Variants in PLEKHH2 observed in about 807,000 individuals in gnomAD.
PLEKHH2 encodes the protein pleckstrin homology domain-containing family H member 2.
In PLEKHH2, 129 loss-of-function variants were observed where a neutral mutation model predicts 187.9. The observed-to-expected ratio is 0.69, with a 90% CI of 0.59 to 0.79. The LOEUF (loss-of-function observed/expected upper bound fraction) is 0.79, where lower values mean the gene tolerates loss of function less well. PLEKHH2 is among the 30% of genes least tolerant of loss of function. PLEKHH2 has a pLI of 0.00. For missense variants in PLEKHH2, 2,076 were observed against 1,751.2 expected (o/e 1.19, Z -3.31); for synonymous variants, 686 against 605.6 (o/e 1.13, Z -1.95).
At chr2:43,656,164 C>A (rs1281251907) in intron 2 of PLEKHH2, among the ~76,000 whole-genome samples, 2 of 152,036 alleles carry the variant, frequency 1.3e-5, no homozygotes, top group African/African-American at 4.8e-5. Flanking sequence ...GCCATGTTGG[C>A]CAGGTTGGTC....
In PLEKHH2 at chr2:43,712,331, C is replaced by T. The variant is rs1226627549; in HGVS notation, c.2408C>T (p.Pro803Leu). 6.2e-7 allele frequency: 1 copy of T among 1,614,174 alleles called. No individual in the cohort carries two copies. Among genetic ancestry groups the T allele is most frequent in the Admixed American group, 1.7e-5 (1 of 60,022 alleles). The part of the protein sequence containing the change: ...QNVLRVQAAN[P>L]LSLQPEGKPT... ...GTTCTTCGAGTACAAGCTGCCAACC[C>T]ACTTTCCCTGCAGCCTGAGGGCAAA... Residue 803 changes from proline (P) to leucine (L), a missense_variant, in exon 15 of 30, where the codon CCA becomes CTA. Physicochemically the swap from Pro to Leu is moderately conservative, Grantham distance 98. Coordinates refer to ENST00000282406, the MANE Select transcript of PLEKHH2 (RefSeq NM_172069.4).
In PLEKHH2 at chr2:43,704,157, C is replaced by G. The variant is rs564212928; in HGVS notation, c.1726+101C>G. ...TGGTACAGTCACAAAAAGACAAATA[C>G]TGTATGATTCCACCTAAAGGAGGTG... On this transcript the variant is annotated intron_variant, in intron 9 of 29. Transcript: ENST00000282406. 2.9e-5 allele frequency: 22 copies of G among 771,470 alleles called. No individual in the cohort carries two copies. The South Asian group carries it at 4.4e-4, about 16-fold the overall frequency. The allele number at this position is 771,470 out of a possible 1,614,324, so 47.8% of individuals were successfully genotyped here.
rs192146683 is a variant in PLEKHH2, at chr2:43,721,479, C to T, written c.2541+730C>T. ...ACCACATGGGACAGTTAGTATTTCTCCTTCCCTTTTGATAGCCTACACTCT... is the reference window on the plus strand; with the variant it reads ...ACCACATGGGACAGTTAGTATTTCTTCTTCCCTTTTGATAGCCTACACTCT... On this transcript the variant is annotated intron_variant, in intron 16 of 29. Coordinates refer to ENST00000282406, the MANE Select transcript of PLEKHH2 (RefSeq NM_172069.4). 9.2e-5 allele frequency among the ~76,000 whole-genome samples: 14 copies of T among 152,220 alleles called. No homozygotes were observed. In the East Asian group the frequency reaches 2.7e-3, roughly 29 times the overall value.
At chr2:43,655,665 A>G (rs1666717019) in intron 2 of PLEKHH2, among the ~76,000 whole-genome samples, 1 of 152,174 alleles carries the variant, frequency 6.6e-6, no homozygotes, top group South Asian at 2.1e-4. Context: ...TTCCAACATG[A>G]TCACAAAACG....
At chr2:43,676,052 A>G in intron 2 of PLEKHH2, 1 of 1,613,986 alleles carries the variant, frequency 6.2e-7, no homozygotes, top group African/African-American at 1.3e-5. Flanking sequence ...TGTTTGGTCC[A>G]GGTCTCTTTC....
At chr2:43,701,556 A>G (rs1431930042) in intron 8 of PLEKHH2, among the ~76,000 whole-genome samples, 1 of 152,168 alleles carries the variant, frequency 6.6e-6, no homozygotes, top group Non-Finnish European at 1.5e-5. Context: ...TTTTGAACTT[A>G]GTCGTTATTT....
chr2:43,702,527 C>CTTTTTTTTTTTTTTTTTTTTT lies in PLEKHH2; in HGVS notation c.1651-1452_1651-1432dup, dbSNP rs1167078689. ...TTTTATTTGGCAACCCATTCTACTA[C>CTTTTTTTTTTTTTTTTTTTTT]TTTTTTTTTTTTTTTTTTTTTTCCA... is the stretch of plus-strand genomic sequence containing the variant. On this transcript the variant is annotated intron_variant, in intron 8 of 29. Transcript: ENST00000282406. 3.7e-4 allele frequency among the ~76,000 whole-genome samples: 21 copies of CTTTTTTTTTTTTTTTTTTTTT among 57,392 alleles called. 1 individual carries two copies. Among genetic ancestry groups the CTTTTTTTTTTTTTTTTTTTTT allele is most frequent in the African/African-American group, 8.6e-4 (9 of 10,490 alleles). The allele number at this position is 57,392 out of a possible 152,430, so 37.7% of individuals were successfully genotyped here.
At chr2:43,715,665 A>G (rs1016018053) in intron 15 of PLEKHH2, among the ~76,000 whole-genome samples, 5 of 152,216 alleles carry the variant, frequency 3.3e-5, no homozygotes, top group Non-Finnish European at 7.3e-5. Context: ...GTTAGGAAGT[A>G]GAAGAGATAA....
intron 2 of PLEKHH2, chr2:43,676,324 T>G: frequency 6.3e-7 from 1 of 1,599,108 alleles, no homozygotes; most frequent in Non-Finnish European, 8.5e-7. Context: ...GGAAACCATT[T>G]TCCAGGCGTT....
chr2:43,754,744 C>T (rs985011035), intron 25 of PLEKHH2, among the ~76,000 whole-genome samples: 3 of 152,096 alleles, frequency 2.0e-5, no homozygotes, highest in African/African-American at 7.2e-5. Flanking sequence ...GCCTATGGCT[C>T]TTCACGCTAC....
intron 25 of PLEKHH2, among the ~76,000 whole-genome samples, chr2:43,754,260 G>A (rs895299549): frequency 1.3e-5 from 2 of 151,896 alleles, no homozygotes; most frequent in Admixed American, 6.6e-5. Context: ...CACATAGAGA[G>A]CGAGGCATCC....
Position 43,743,868 on chromosome 2 carries a change from A to G in PLEKHH2, c.3434A>G (p.Glu1145Gly). 3.7e-6 allele frequency: 6 copies of G among 1,614,074 alleles called. No individual in the cohort carries two copies. Among genetic ancestry groups the G allele is most frequent in the Non-Finnish European group, 5.1e-6 (6 of 1,179,950 alleles). ...TTTGACGCATCTACCACAGTGGAAG[A>G]ATTTTTGAATACTTTGAACCAGGAC... is the stretch of plus-strand genomic sequence containing the variant. Reference protein sequence around the residue: ...VGFDASTTVEEFLNTLNQDTG... With the variant: ...VGFDASTTVEGFLNTLNQDTG... The change falls in exon 23 of 30, where the codon GAA becomes GGA. Residue 1145 changes from glutamate (E) to glycine (G), a missense_variant. Glu to Gly is a moderately conservative substitution (Grantham distance 98). Coordinates refer to ENST00000282406, the MANE Select transcript of PLEKHH2 (RefSeq NM_172069.4).
Position 43,765,401 on chromosome 2 carries a change from T to G in PLEKHH2, c.4297-12T>G. 6.2e-7 allele frequency: 1 copy of G among 1,612,650 alleles called. No individual in the cohort carries two copies. The highest frequency in any genetic ancestry group is 8.5e-7 in the Non-Finnish European group (1 of 1,178,930). On this transcript the variant is annotated splice_polypyrimidine_tract_variant and intron_variant, in intron 29 of 29. Transcript: ENST00000282406. Reference sequence around the variant, plus strand: ...TCTAAGGAGCAAAACAATTCTGTTTTCCTTGTTTTAGATTCTTGAAATCAC... The same window carrying G: ...TCTAAGGAGCAAAACAATTCTGTTTGCCTTGTTTTAGATTCTTGAAATCAC...
chr2:43,680,759 C>T (rs888645716), intron 3 of PLEKHH2: 2 of 388,494 alleles, frequency 5.1e-6, no homozygotes, highest in Admixed American at 3.5e-5. Flanking sequence ...TATGTGGCAG[C>T]CGTACAAAGT....
At chr2:43,721,326 T>A (rs1264978764) in intron 16 of PLEKHH2, among the ~76,000 whole-genome samples, 1 of 152,154 alleles carries the variant, frequency 6.6e-6, no homozygotes, top group African/African-American at 2.4e-5. Context: ...CACCTTTGGA[T>A]AACTGAAGCT....
intron 3 of PLEKHH2, among the ~76,000 whole-genome samples, chr2:43,692,037 G>A (rs908832242): frequency 6.6e-6 from 1 of 152,082 alleles, no homozygotes; most frequent in East Asian, 1.9e-4. Flanking sequence ...GGGCTTTAAG[G>A]TTGTTTTCCC....
intron 3 of PLEKHH2, chr2:43,680,600 C>T (rs999081481): frequency 5.0e-6 from 1 of 200,060 alleles, no homozygotes; most frequent in Non-Finnish European, 1.0e-5. Context: ...AAGGCTTTCC[C>T]CGTTGCTGCA....
At chr2:43,736,190 CAA>C (rs1204066982) in intron 19 of PLEKHH2, among the ~76,000 whole-genome samples, 2 of 151,920 alleles carry the variant, frequency 1.3e-5, no homozygotes, top group African/African-American at 4.8e-5. Flanking sequence ...CTACTACAAA[CAA>C]AAAGAGAATT....
intron 19 of PLEKHH2, among the ~76,000 whole-genome samples, chr2:43,733,839 A>G (rs1181477686): frequency 6.6e-6 from 1 of 152,162 alleles, no homozygotes; most frequent in African/African-American, 2.4e-5. Flanking sequence ...AATTTCTATA[A>G]TGGAATGTTT....
Sources: gnomAD v4.1 joint callset for allele counts (sites outside exome capture counted in the v4.1 genomes callset) on GRCh38, gnomAD v4.1.1 for gene constraint, MANE v1.5 for transcripts, NCBI Gene and HGNC (gene_info 2026-07-23, HGNC 2026-07-21) for gene names.